The following DMD variants were observed in gnomAD, a reference collection of about 807,000 sequenced individuals.
DMD encodes dystrophin.
A neutral mutation model predicts 330.1 loss-of-function variants in DMD; 63 were observed. That is an observed-to-expected ratio of 0.19 (90% CI 0.16 to 0.24). The LOEUF is 0.24. Among genes scored for constraint, DMD ranks in the 10% least tolerant of loss-of-function variants. The pLI is 1.00. For synonymous variants in DMD, 1,223 were observed against 959.8 expected (o/e 1.27, Z -5.07); for missense variants, 3,344 against 2,684.1 (o/e 1.25, Z -5.43).
At position 32,418,972 on chromosome X, in the gene DMD, C is replaced by CAAAAAAAAAA. The variant is rs1160282195; in HGVS notation, c.4072-7069_4072-7060dup. Among the ~76,000 whole-genome samples, 102 of 13,492 alleles carry CAAAAAAAAAA rather than the reference C, an allele frequency of 7.6e-3. 13 individuals are homozygous for CAAAAAAAAAA. The highest frequency in any genetic ancestry group is 0.02 in the African/African-American group (89 of 4,476). 11.7% of individuals were successfully genotyped at this position (13,492 alleles called of 115,157 possible). ...TGGGTGACAGAGTGAGACTCTGTCT[C>CAAAAAAAAAA]AAAAAAAAAAAAAAAAAAAAAAAAA... On this transcript the variant is annotated intron_variant, in intron 29 of 78. Transcript: ENST00000357033.
chrX:31,946,053 T>C (rs1455183624), intron 45 of DMD, among the ~76,000 whole-genome samples: 2 of 112,108 alleles, frequency 1.8e-5, no homozygotes, highest in African/African-American at 6.5e-5. Context: ...TAACTGAATA[T>C]CTATCGGTCT....
chrX:32,062,500 T>A (rs958451472), intron 44 of DMD, among the ~76,000 whole-genome samples: 8 of 110,977 alleles, frequency 7.2e-5, no homozygotes, highest in African/African-American at 2.6e-4. Flanking sequence ...TACAGATAAA[T>A]GTCTTGATGT....
chrX:32,787,905 C>A, intron 7 of DMD, among the ~76,000 whole-genome samples: 1 of 111,599 alleles, frequency 9.0e-6, no homozygotes, highest in Non-Finnish European at 1.9e-5. Flanking sequence ...TTACAACATT[C>A]CAGTTATTTG....
intron 30 of DMD, among the ~76,000 whole-genome samples, chrX:32,397,660 A>G (rs2098054901): frequency 8.9e-6 from 1 of 111,759 alleles, no homozygotes; most frequent in Non-Finnish European, 1.9e-5. Flanking sequence ...GTAAAGGGCA[A>G]AATTATAGAA....
chrX:31,430,252 G>A (rs1237269822), intron 60 of DMD, among the ~76,000 whole-genome samples: 7 of 111,263 alleles, frequency 6.3e-5, no homozygotes, highest in Non-Finnish European at 1.3e-4. Flanking sequence ...GCCAGCAAAG[G>A]AGAAGGGTGT....
At chrX:32,220,642 A>C (rs2097128926) in intron 43 of DMD, among the ~76,000 whole-genome samples, 1 of 111,081 alleles carries the variant, frequency 9.0e-6, no homozygotes, top group Non-Finnish European at 1.9e-5. Context: ...TCCAAATGAA[A>C]AAAATATATA....
At chrX:32,697,775 A>G in intron 9 of DMD, 95 bp downstream of exon 9, 1 of 1,129,907 alleles carries the variant, frequency 8.9e-7, no homozygotes, top group Non-Finnish European at 1.2e-6. Context: ...CGAGGAGATA[A>G]AAGGCACTGA....
chrX:32,961,541 T>C (rs1055728854), intron 2 of DMD, among the ~76,000 whole-genome samples: 6 of 111,919 alleles, frequency 5.4e-5, no homozygotes, highest in African/African-American at 6.5e-5. Context: ...TTAATATTCA[T>C]AATCCCACTC....
At chrX:32,508,959 C>T (rs1326490550) in intron 18 of DMD, among the ~76,000 whole-genome samples, 12 of 109,559 alleles carry the variant, frequency 1.1e-4, no homozygotes, top group Non-Finnish European at 1.9e-4. Flanking sequence ...TACAGGCGCC[C>T]GCAACCATGC....
At chrX:31,684,352 T>C (rs2082557661) in intron 52 of DMD, among the ~76,000 whole-genome samples, 1 of 111,835 alleles carries the variant, frequency 8.9e-6, no homozygotes, top group Admixed American at 9.5e-5. Flanking sequence ...ACAAAGATGA[T>C]GCCAGATGGA....
intron 16 of DMD, among the ~76,000 whole-genome samples, chrX:32,552,151 G>A (rs1337772413): frequency 8.9e-6 from 1 of 111,908 alleles, no homozygotes; most frequent in Non-Finnish European, 1.9e-5. Context: ...GCCACTAAAA[G>A]AGCCAGAATA....
chrX:32,928,861 C>T (rs1047597860), intron 2 of DMD, among the ~76,000 whole-genome samples: 3 of 111,879 alleles, frequency 2.7e-5, no homozygotes, highest in South Asian at 3.7e-4. Flanking sequence ...ATAATGAAAA[C>T]GGTGAATAAA....
chrX:33,157,222 A>G (rs961358718), intron 1 of DMD, among the ~76,000 whole-genome samples: 1 of 111,239 alleles, frequency 9.0e-6, no homozygotes, highest in African/African-American at 3.3e-5. Context: ...ATACTCTAGG[A>G]GAGAGTCTGT....
At chrX:33,282,908 C>T (rs1397361559) in intron 1 of DMD, among the ~76,000 whole-genome samples, 3 of 111,998 alleles carry the variant, frequency 2.7e-5, no homozygotes, top group Non-Finnish European at 5.6e-5. Context: ...TTTCCTCTAG[C>T]GCGAGGCTCT....
At chrX:32,641,458 A>G (rs761624016) in intron 11 of DMD, 16 of 125,989 alleles carry the variant, frequency 1.3e-4, no homozygotes, top group Non-Finnish European at 2.1e-4. Flanking sequence ...CTATATATCA[A>G]ATATAATTTG....
In DMD at chrX:32,634,758, C is replaced by A. The variant is rs143299652; in HGVS notation, c.1331+9374G>T. Among the ~76,000 whole-genome samples, 497 of 111,723 alleles carry A rather than the reference C, an allele frequency of 4.4e-3. 8 individuals carry two copies. The highest frequency in any genetic ancestry group is 0.032 in the East Asian group (114 of 3,509). ...TCTTGTCTCCTCTCTTCTTCATAAG[C>A]GGAAGGAAGGAGTCTTTCCTGGAGC... On this transcript the variant is annotated intron_variant, in intron 11 of 78. Coordinates refer to ENST00000357033, the MANE Select transcript of DMD (RefSeq NM_004006.3).
At chrX:32,447,696 TA>T (rs2098311353) in intron 27 of DMD, among the ~76,000 whole-genome samples, 1 of 111,743 alleles carries the variant, frequency 8.9e-6, no homozygotes, top group South Asian at 3.6e-4. Flanking sequence ...GAAGGGGGCT[TA>T]AAGTCCAACT....
At chrX:32,519,893 A>G (rs114474245) in intron 17 of DMD, among the ~76,000 whole-genome samples, 5,085 of 111,904 alleles carry the variant, frequency 0.045, 183 homozygotes, top group African/African-American at 0.12. Flanking sequence ...TATTCTCACA[A>G]AATTCTTTGG....
At chrX:31,178,313 C>T in intron 70 of DMD, 1 of 984,523 alleles carries the variant, frequency 1.0e-6, no homozygotes, top group Non-Finnish European at 1.3e-6. Context: ...CAAAAAGACA[C>T]ACATTTACTG....
Sources: gnomAD v4.1 joint callset for allele counts (sites outside exome capture counted in the v4.1 genomes callset) on GRCh38, gnomAD v4.1.1 for gene constraint, MANE v1.5 for transcripts, NCBI Gene and HGNC (gene_info 2026-07-23, HGNC 2026-07-21) for gene names.